DHX30: variants seen among roughly 807,000 people sequenced by gnomAD.
DHX30 encodes the protein ATP-dependent RNA helicase DHX30.
Under a neutral mutation model 116.9 loss-of-function variants are expected in DHX30, and 4 were observed. The ratio of observed to expected loss-of-function variants is 0.03; its 90% CI spans 0.02 to 0.08. The LOEUF (loss-of-function observed/expected upper bound fraction) is 0.08, where lower values mean the gene tolerates loss of function less well. Among genes scored for constraint, DHX30 ranks in the 10% least tolerant of loss-of-function variants. The pLI is 1.00. For synonymous variants in DHX30, 697 were observed against 651.7 expected (o/e 1.07, Z -1.06); for missense variants, 871 against 1,595.1 (o/e 0.55, Z 7.73).
chr3:47,837,138 G>A (rs1365911635), intron 6 of DHX30, among the ~76,000 whole-genome samples: 2 of 151,964 alleles, frequency 1.3e-5, no homozygotes, highest in African/African-American at 4.8e-5. Flanking sequence ...CCAGGGCCGA[G>A]GGCTGGAGCA....
intron 1 of DHX30, among the ~76,000 whole-genome samples, chr3:47,803,786 A>C (rs1434559031): frequency 6.6e-6 from 1 of 152,330 alleles, no homozygotes; most frequent in South Asian, 2.1e-4. Context: ...GGGGAAGACC[A>C]AATGCATGTT....
intron 6 of DHX30, among the ~76,000 whole-genome samples, chr3:47,834,197 A>G (rs894994086): frequency 4.0e-5 from 6 of 151,878 alleles, no homozygotes; most frequent in African/African-American, 1.5e-4. Flanking sequence ...TCCGCCTCCT[A>G]GGTCCAAGCA....
At chr3:47,835,066 C>T (rs1018966108) in intron 6 of DHX30, among the ~76,000 whole-genome samples, 27 of 151,954 alleles carry the variant, frequency 1.8e-4, no homozygotes, top group Admixed American at 1.4e-3. Context: ...TGCAGCAGCG[C>T]GATCTCGGCT....
chr3:47,829,193 GT>G, intron 6 of DHX30, 59 bp downstream of exon 6: 1 of 909,402 alleles, frequency 1.1e-6, no homozygotes, highest in Non-Finnish European at 1.7e-6. Flanking sequence ...CTTGCCCTTT[GT>G]TTTTATTGGT....
intron 1 of DHX30, among the ~76,000 whole-genome samples, chr3:47,803,791 C>T (rs1173962307): frequency 6.6e-6 from 1 of 152,190 alleles, no homozygotes; most frequent in African/African-American, 2.4e-5. Flanking sequence ...AGACCAAATG[C>T]ATGTTGGGTC....
chr3:47,846,355 G>T lies in DHX30; in HGVS notation c.1283G>T (p.Trp428Leu). The T allele has an allele frequency of 6.2e-7, 1 of 1,614,076 alleles. No individual in the cohort carries two copies. Among genetic ancestry groups the T allele is most frequent in the Non-Finnish European group, 8.5e-7 (1 of 1,180,034 alleles). Residue 428 changes from tryptophan to leucine, a missense_variant, in exon 11 of 22, where the codon TGG becomes TTG. Physicochemically the swap from Trp to Leu is moderately conservative, Grantham distance 61 (BLOSUM62 -2). Coordinates refer to ENST00000445061, the MANE Select transcript of DHX30 (RefSeq NM_138615.3). ...LELWRRRGPV[W>L]QEAPQLPVDP... is the part of the protein sequence containing the mutation. ...CTGTGGCGGCGGCGAGGGCCGGTCT[G>T]GCAGGAGGCCCCCCAGCTACCTGTG... is the stretch of plus-strand genomic sequence containing the variant.
intron 6 of DHX30, among the ~76,000 whole-genome samples, chr3:47,833,537 CAAAA>C (rs71070236): frequency 1.6e-5 from 1 of 62,456 alleles, no homozygotes; most frequent in Non-Finnish European, 2.8e-5. Flanking sequence ...CTCTCTCTCT[CAAAA>C]AAAAAAAAAA....
At position 47,849,095 on chromosome 3, in the gene DHX30, A is replaced by G. The variant is rs747722839; in HGVS notation, c.2929+16A>G. 6.2e-6 allele frequency: 10 copies of G among 1,610,386 alleles called. No homozygotes were observed. Among genetic ancestry groups the G allele is most frequent in the Non-Finnish European group, 7.6e-6 (9 of 1,177,714 alleles). ...TTCATCCACGGTCAGTCGGGCCCAC[A>G]CCTGCTCTCCTGAGCCCCTCCCACC... On this transcript the variant is annotated intron_variant, in intron 18 of 21. Coordinates refer to ENST00000445061, the MANE Select transcript of DHX30 (RefSeq NM_138615.3).
At chr3:47,849,809 C>G (rs765766157) in intron 21 of DHX30, 40 bp downstream of exon 21, 1 of 1,607,782 alleles carries the variant, frequency 6.2e-7, no homozygotes, top group African/African-American at 1.3e-5. Flanking sequence ...CGCTCTGCAG[C>G]TGCTCCTCCG....
chr3:47,805,607 TG>T (rs2035480564), intron 2 of DHX30, among the ~76,000 whole-genome samples, 187 bp downstream of exon 2: 1 of 152,146 alleles, frequency 6.6e-6, no homozygotes, highest in Non-Finnish European at 1.5e-5. Flanking sequence ...GGCGCGATCT[TG>T]GCTTGCTGCA....
At position 47,827,885 on chromosome 3, in the gene DHX30, G is replaced by A. The variant is rs375051580; in HGVS notation, c.255+408G>A. On this transcript the variant is annotated intron_variant, in intron 5 of 21. Transcript: ENST00000445061. ...ATTTATTTTTGTAGAGACAGAGTCA[G>A]AGTCTCTCTGTCACCCAGGCTGGAG... Among the ~76,000 whole-genome samples the A allele has an allele frequency of 1.2e-4, 18 of 152,166 alleles. No homozygotes were observed. In the East Asian group the frequency reaches 1.6e-3, roughly 13 times the overall value.
At chr3:47,828,898 G>A (rs1245862570) in intron 5 of DHX30, 126 bp from the exon 6 acceptor site, 2 of 657,322 alleles carry the variant, frequency 3.0e-6, no homozygotes, top group African/African-American at 3.7e-5. Flanking sequence ...TCTCAACTCT[G>A]AACCTAGCAC....
rs1484514276 is a variant in DHX30 at position 47,846,546 on chromosome 3, C to T, written c.1474C>T (p.Arg492Cys). The T allele has an allele frequency of 6.2e-7, 1 of 1,614,126 alleles. No homozygotes were observed. The highest frequency in any genetic ancestry group is 2.2e-5 in the East Asian group (1 of 44,878). ...CTGCAATGTTATCATCACCCAACCT[C>T]GCCGCATCTCTGCTGTGTCTGTGGC... ...ARCNVIITQPRRISAVSVAQR... is the reference protein window; with the variant it reads ...ARCNVIITQPCRISAVSVAQR... Residue 492 changes from arginine (R) to cysteine (C), a missense_variant, in exon 11 of 22, where the codon CGC (arginine) becomes TGC (cysteine). By Grantham distance (180) the Arg-to-Cys change is radical. This residue lies in a region of DHX30 where 63 missense variants were observed against 180.6 expected (regional missense o/e 0.35). Coordinates refer to ENST00000445061, the MANE Select transcript of DHX30 (RefSeq NM_138615.3).
chr3:47,816,420 C>T (rs754216365), intron 3 of DHX30: 13 of 979,370 alleles, frequency 1.3e-5, no homozygotes, highest in Middle Eastern at 5.2e-4. Flanking sequence ...TGCAATGGCG[C>T]GATCTCGGCT....
At chr3:47,829,909 G>A (rs1434280971) in intron 6 of DHX30, among the ~76,000 whole-genome samples, 2 of 151,290 alleles carry the variant, frequency 1.3e-5, no homozygotes, top group Non-Finnish European at 2.9e-5. Flanking sequence ...TCAGCTCACT[G>A]CAAGCTCTGC....
intron 4 of DHX30, chr3:47,824,921 C>G: frequency 2.1e-6 from 1 of 484,512 alleles, no homozygotes; most frequent in Non-Finnish European, 3.6e-6. Context: ...ATGCCCTCGC[C>G]TAGGCTTGGG....
In DHX30 at chr3:47,847,581, T is replaced by C; in HGVS notation, c.2110+45T>C. ...GACCAGGGACCTTTGGAAACCAGCC[T>C]GACCTCTGTCCTAGGGACTGACCCA... On this transcript the variant is annotated intron_variant, in intron 13 of 21. Transcript: ENST00000445061. This position sits in a 1 kb window ranked among gnomAD's most constrained non-coding sequence, Gnocchi z 5.5. 6.6e-7 allele frequency: 1 copy of C among 1,525,848 alleles called. No homozygotes were observed. The highest frequency in any genetic ancestry group is 1.2e-5 in the South Asian group (1 of 80,504). 94.5% of individuals were successfully genotyped at this position (1,525,848 alleles called of 1,614,324 possible). A position where few individuals can be genotyped will look rare whatever the true frequency, so the allele number is the denominator to read the frequency against.
intron 4 of DHX30, chr3:47,819,282 T>G (rs1456286235): frequency 7.3e-7 from 1 of 1,366,010 alleles, no homozygotes; most frequent in South Asian, 1.1e-5. Flanking sequence ...GCTCTGAGAG[T>G]GTCAGATGTG....
At chr3:47,844,875 G>A (rs138991701) in intron 9 of DHX30, among the ~76,000 whole-genome samples, 31 of 152,266 alleles carry the variant, frequency 2.0e-4, no homozygotes, top group East Asian at 5.8e-4. Context: ...GAAATTCCAC[G>A]TGCATCTGTA....
Sources: gnomAD v4.1 joint callset for allele counts (sites outside exome capture counted in the v4.1 genomes callset) on GRCh38, gnomAD v4.1.1 for gene constraint, gnomAD v4.1.1 regional missense constraint, Gnocchi (gnomAD v3.1) non-coding constraint, MANE v1.5 for transcripts, NCBI Gene and HGNC (gene_info 2026-07-23, HGNC 2026-07-21) for gene names.